Variants in EEPD1 observed in about 807,000 individuals in gnomAD.
EEPD1 encodes endonuclease/exonuclease/phosphatase family domain-containing protein 1.
Under a neutral mutation model 46.3 loss-of-function variants are expected in EEPD1, and 17 were observed. The observed-to-expected ratio is 0.37, with a 90% CI of 0.25 to 0.55. EEPD1 has a LOEUF of 0.55. EEPD1 is among the 20% of genes least tolerant of loss of function. The probability of loss-of-function intolerance (pLI) is 0.83; values close to 1 mark genes in which losing one functional copy is unlikely to be tolerated. For missense variants in EEPD1, 673 were observed against 745.6 expected, an observed-to-expected ratio of 0.90 and a Z score of 1.13; for synonymous variants, 313 against 315.6, an observed-to-expected ratio of 0.99 and a Z score of 0.09.
chr7:36,177,968 C>T (rs1785211827), intron 2 of EEPD1, among the ~76,000 whole-genome samples: 1 of 152,192 alleles, frequency 6.6e-6, no homozygotes, highest in Non-Finnish European at 1.5e-5. Context: ...CCTGCCTCAG[C>T]CTCCCAAAGT....
At position 36,287,694 on chromosome 7, in the gene EEPD1, T is replaced by G; in HGVS notation, c.1232T>G (p.Leu411Arg). The change falls in exon 6 of 8, where the codon CTG (leucine) becomes CGG (arginine). Residue 411 changes from leucine (L) to arginine (R), a missense_variant. Transcript: ENST00000242108. ...VNLHLAALTLLGSENPSKNHS... is the reference protein window; with the variant it reads ...VNLHLAALTLRGSENPSKNHS... Reference sequence around the variant, plus strand: ...CTTCACCTGGCAGCCCTGACCCTCCTGGGGAGCGAGAATCCCAGCAAGAAT... The same window carrying G: ...CTTCACCTGGCAGCCCTGACCCTCCGGGGGAGCGAGAATCCCAGCAAGAAT... The G allele has an allele frequency of 1.2e-6, 2 of 1,614,126 alleles. No individual in the cohort carries two copies. Among genetic ancestry groups the G allele is most frequent in the Non-Finnish European group, 1.7e-6 (2 of 1,180,014 alleles).
At chr7:36,156,536 A>G (rs768346964) in intron 2 of EEPD1, among the ~76,000 whole-genome samples, 100 of 152,156 alleles carry the variant, frequency 6.6e-4, no homozygotes, top group Admixed American at 1.3e-3. Context: ...GGGCGTGTGA[A>G]TGGGAAATGA....
intron 4 of EEPD1, among the ~76,000 whole-genome samples, chr7:36,283,624 G>A (rs183517258): frequency 1.3e-5 from 2 of 152,264 alleles, no homozygotes; most frequent in African/African-American, 4.8e-5. Context: ...AGGTCTTCTC[G>A]TTCTCAAACC....
At chr7:36,171,052 G>C (rs530215919) in intron 2 of EEPD1, among the ~76,000 whole-genome samples, 23 of 152,230 alleles carry the variant, frequency 1.5e-4, no homozygotes, top group African/African-American at 5.5e-4. Context: ...CTCCCAAGTA[G>C]CTGAAACTAC....
intron 3 of EEPD1, among the ~76,000 whole-genome samples, chr7:36,260,606 A>G (rs79993574): frequency 6.6e-6 from 1 of 152,384 alleles, no homozygotes; most frequent in East Asian, 1.9e-4. Flanking sequence ...CATTATTTGC[A>G]TAAAGTCCAA....
At chr7:36,266,851 G>C (rs989911480) in intron 3 of EEPD1, among the ~76,000 whole-genome samples, 4 of 152,124 alleles carry the variant, frequency 2.6e-5, no homozygotes, top group Admixed American at 2.0e-4. Flanking sequence ...TTTTGTGTCT[G>C]GCTTTTTTCG....
At chr7:36,290,740 G>A (rs757836212) in intron 6 of EEPD1, among the ~76,000 whole-genome samples, 2 of 152,184 alleles carry the variant, frequency 1.3e-5, no homozygotes, top group Non-Finnish European at 2.9e-5. Context: ...CATCTTGGCA[G>A]ATGGTCCCTC....
chr7:36,223,076 G>A (rs774372968), intron 2 of EEPD1, among the ~76,000 whole-genome samples: 2 of 151,992 alleles, frequency 1.3e-5, no homozygotes, highest in African/African-American at 2.4e-5. Context: ...GCTTGAACCC[G>A]GGAGGCAGAG....
At chr7:36,211,023 C>T (rs1267013974) in intron 2 of EEPD1, among the ~76,000 whole-genome samples, 8 of 152,168 alleles carry the variant, frequency 5.3e-5, no homozygotes, top group South Asian at 2.1e-4. Context: ...ATAACAGTGT[C>T]TATGTCATAG....
chr7:36,259,459 C>G (rs1289269116), intron 3 of EEPD1, among the ~76,000 whole-genome samples: 1 of 152,152 alleles, frequency 6.6e-6, no homozygotes. Flanking sequence ...GTCTATGCAT[C>G]TATACATGTT....
At chr7:36,156,180 C>CG (rs887555040) in intron 2 of EEPD1, among the ~76,000 whole-genome samples, 35 of 151,972 alleles carry the variant, frequency 2.3e-4, no homozygotes, top group East Asian at 7.7e-4. Flanking sequence ...AGGCTGGCGG[C>CG]GGGGGGGCAG....
At chr7:36,256,959 G>T (rs1786836754) in intron 3 of EEPD1, among the ~76,000 whole-genome samples, 1 of 152,146 alleles carries the variant, frequency 6.6e-6, no homozygotes, top group South Asian at 2.1e-4. Flanking sequence ...GGCTGGTAAT[G>T]GTTTTTCCTT....
intron 2 of EEPD1, among the ~76,000 whole-genome samples, chr7:36,159,875 C>A (rs947642172): frequency 6.6e-6 from 1 of 152,190 alleles, no homozygotes. Context: ...AGATCAAGTT[C>A]CAGTTTTCTG....
At chr7:36,157,243 C>G (rs1189072946) in intron 2 of EEPD1, among the ~76,000 whole-genome samples, 2 of 152,164 alleles carry the variant, frequency 1.3e-5, no homozygotes, top group East Asian at 3.8e-4. Flanking sequence ...GTACAACTGT[C>G]ATTTTTATTT....
intron 3 of EEPD1, among the ~76,000 whole-genome samples, chr7:36,261,293 GC>G (rs1276238440): frequency 6.6e-6 from 1 of 152,202 alleles, no homozygotes; most frequent in African/African-American, 2.4e-5. Flanking sequence ...TTGGAAGAGG[GC>G]CTGCTCTGGG....
At chr7:36,170,871 C>T (rs1026248408) in intron 2 of EEPD1, among the ~76,000 whole-genome samples, 1 of 152,174 alleles carries the variant, frequency 6.6e-6, no homozygotes, top group African/African-American at 2.4e-5. Flanking sequence ...CTTATCTTCT[C>T]ACTCGGAGTA....
At chr7:36,288,165 G>A (rs1378619439) in intron 6 of EEPD1, among the ~76,000 whole-genome samples, 1 of 152,188 alleles carries the variant, frequency 6.6e-6, no homozygotes, top group Non-Finnish European at 1.5e-5. Context: ...AGAGAGACGG[G>A]GGTGACAAGG....
chr7:36,277,353 T>C (rs2115862457), intron 3 of EEPD1, among the ~76,000 whole-genome samples: 1 of 152,362 alleles, frequency 6.6e-6, no homozygotes, highest in East Asian at 1.9e-4. Flanking sequence ...TCCTGTGGGC[T>C]GTGCCAGGAA....
At chr7:36,168,339 A>C (rs578116227) in intron 2 of EEPD1, among the ~76,000 whole-genome samples, 3 of 152,240 alleles carry the variant, frequency 2.0e-5, no homozygotes, top group Non-Finnish European at 4.4e-5. Flanking sequence ...AAACTTAAAG[A>C]ATATAAGCTG....
Sources: gnomAD v4.1 joint callset for allele counts (sites outside exome capture counted in the v4.1 genomes callset) on GRCh38, gnomAD v4.1.1 for gene constraint, MANE v1.5 for transcripts, NCBI Gene and HGNC (gene_info 2026-07-23, HGNC 2026-07-21) for gene names.